PCBP3: variants seen among roughly 807,000 people sequenced by gnomAD.
PCBP3 encodes poly(rC) binding protein 3.
PCBP3 carries 25 observed loss-of-function variants against 52.7 expected under a neutral mutation model. The ratio of observed to expected loss-of-function variants is 0.47; its 90% CI spans 0.35 to 0.66. PCBP3 has a LOEUF of 0.66. PCBP3 is among the 30% of genes least tolerant of loss of function. The pLI, the probability that PCBP3 is intolerant of heterozygous loss-of-function variation, is 0.01. For synonymous variants in PCBP3, 162 were observed against 183.0 expected, an observed-to-expected ratio of 0.89 and a Z score of 0.93; for missense variants, 391 against 490.3, an observed-to-expected ratio of 0.80 and a Z score of 1.91.
At chr21:45,929,465 T>C (rs2075893753) in intron 13 of PCBP3, among the ~76,000 whole-genome samples, 1 of 152,172 alleles carries the variant, frequency 6.6e-6, no homozygotes, top group South Asian at 2.1e-4. Context: ...AGGGCGAGGT[T>C]TGCAAACTCA....
At chr21:45,886,436 GCA>G (rs1443596445) in intron 5 of PCBP3, among the ~76,000 whole-genome samples, 3 of 139,220 alleles carry the variant, frequency 2.2e-5, no homozygotes, top group African/African-American at 8.2e-5. Flanking sequence ...GGTGCCAAGG[GCA>G]GAGGATGTGG....
At chr21:45,698,435 T>G (rs907742209) in intron 2 of PCBP3, among the ~76,000 whole-genome samples, 1 of 152,196 alleles carries the variant, frequency 6.6e-6, no homozygotes, top group African/African-American at 2.4e-5. Flanking sequence ...AATAAATAAT[T>G]TGTTGGGCTG....
intron 13 of PCBP3, among the ~76,000 whole-genome samples, chr21:45,923,156 T>G (rs1267940022): frequency 6.6e-6 from 1 of 152,232 alleles, no homozygotes; most frequent in East Asian, 1.9e-4. Flanking sequence ...TTGGGCAGAT[T>G]GTTGCAGAGT....
At chr21:45,707,448 A>G (rs567631540) in intron 2 of PCBP3, among the ~76,000 whole-genome samples, 10 of 152,304 alleles carry the variant, frequency 6.6e-5, no homozygotes, top group African/African-American at 2.2e-4. Context: ...CCTGGGAAGC[A>G]GAGGTTGCAG....
In PCBP3 at chr21:45,891,176, C is replaced by A. The variant is rs967422441; in HGVS notation, c.11-5032C>A. ...AGGGGAATGTAGATAGTGGAACCGCCGTGCCGCAGTCTTGAACAGTTTCTT... is the reference window on the plus strand; with the variant it reads ...AGGGGAATGTAGATAGTGGAACCGCAGTGCCGCAGTCTTGAACAGTTTCTT... On this transcript the variant is annotated intron_variant, in intron 5 of 17. Transcript: ENST00000681687. Among the ~76,000 whole-genome samples the A allele has an allele frequency of 2.3e-5, 3 of 129,634 alleles. No individual in the cohort carries two copies. In the Admixed American group the frequency reaches 2.6e-4, roughly 11 times the overall value. 85.0% of individuals were successfully genotyped at this position (129,634 alleles called of 152,430 possible). A position where few individuals can be genotyped will look rare whatever the true frequency, so the allele number is the denominator to read the frequency against.
intron 2 of PCBP3, among the ~76,000 whole-genome samples, chr21:45,692,729 C>T (rs898473098): frequency 6.6e-6 from 1 of 152,056 alleles, no homozygotes; most frequent in African/African-American, 2.4e-5. Flanking sequence ...CTGATTCTAC[C>T]CAGACTCTTC....
intron 2 of PCBP3, among the ~76,000 whole-genome samples, chr21:45,708,259 T>C (rs2083589322): frequency 6.6e-6 from 1 of 152,194 alleles, no homozygotes; most frequent in South Asian, 2.1e-4. Flanking sequence ...AGTGGTGCTC[T>C]GGTCTCCTGA....
intron 1 of PCBP3, among the ~76,000 whole-genome samples, chr21:45,652,932 A>G (rs2079783574): frequency 6.6e-6 from 1 of 152,198 alleles, no homozygotes; most frequent in South Asian, 2.1e-4. Flanking sequence ...CAATGCCTCA[A>G]CTACATCATA....
intron 3 of PCBP3, among the ~76,000 whole-genome samples, chr21:45,746,710 C>T (rs1455275325): frequency 1.6e-5 from 1 of 62,232 alleles, no homozygotes; most frequent in Admixed American, 1.5e-4. Flanking sequence ...ACTGACGTAG[C>T]GCACACGGTG....
intron 15 of PCBP3, among the ~76,000 whole-genome samples, chr21:45,933,664 T>C (rs1475001780): frequency 6.6e-6 from 1 of 152,242 alleles, no homozygotes; most frequent in African/African-American, 2.4e-5. Context: ...TCTAGGCTTA[T>C]ATATGCAAAG....
rs563507280 is a variant in PCBP3, at chr21:45,905,455, T to A, written c.340-3900T>A. ...TGAGTTCTGCATCTGGCAGACTTTC[T>A]GCACCACAGAGGACTGTGCCGAAGG... On this transcript the variant is annotated intron_variant, in intron 9 of 17. Transcript: ENST00000681687. Among the ~76,000 whole-genome samples, 6 of 152,368 alleles carry A rather than the reference T, an allele frequency of 3.9e-5. No homozygotes were observed. In the East Asian group the frequency reaches 1.2e-3, roughly 29 times the overall value.
At chr21:45,795,227 T>C (rs112619017) in intron 4 of PCBP3, among the ~76,000 whole-genome samples, 2,044 of 152,092 alleles carry the variant, frequency 0.013, 66 homozygotes, top group African/African-American at 0.046. Flanking sequence ...GACCAGAATG[T>C]CCGTATGTTT....
chr21:45,941,810 A>G lies in PCBP3; in HGVS notation c.*104A>G. On this transcript the variant is annotated 3_prime_UTR_variant, in exon 18 of 18. Transcript: ENST00000681687. Reference sequence around the variant, plus strand: ...CCTTCCCTGCCTCACAGATACCAATAGAGAGGTTTTCTTAATTAACAAAAG... The same window carrying G: ...CCTTCCCTGCCTCACAGATACCAATGGAGAGGTTTTCTTAATTAACAAAAG... 1 of 866,578 alleles carries G rather than the reference A, an allele frequency of 1.2e-6. No individual in the cohort carries two copies. The highest frequency in any genetic ancestry group is 1.8e-6 in the Non-Finnish European group (1 of 570,014). The allele number at this position is 866,578 out of a possible 1,614,324, so 53.7% of individuals were successfully genotyped here. A position where few individuals can be genotyped will look rare whatever the true frequency, so the allele number is the denominator to read the frequency against.
intron 4 of PCBP3, among the ~76,000 whole-genome samples, chr21:45,789,974 C>T (rs2091430847): frequency 6.6e-6 from 1 of 152,050 alleles, no homozygotes; most frequent in Non-Finnish European, 1.5e-5. Flanking sequence ...CCCGTCTCTA[C>T]TAAAAATACA....
At chr21:45,734,667 TG>T (rs1425803345) in intron 2 of PCBP3, among the ~76,000 whole-genome samples, 1 of 152,232 alleles carries the variant, frequency 6.6e-6, no homozygotes, top group Non-Finnish European at 1.5e-5. Flanking sequence ...GGCTGTAGGC[TG>T]CAGCAATTGT....
At chr21:45,849,441 A>C (rs1172424951) in intron 4 of PCBP3, among the ~76,000 whole-genome samples, 1 of 151,892 alleles carries the variant, frequency 6.6e-6, no homozygotes, top group East Asian at 1.9e-4. Context: ...CCTGACCTTA[A>C]GTGATCCTCC....
chr21:45,862,574 T>C (rs1405312307), intron 5 of PCBP3, among the ~76,000 whole-genome samples: 1 of 152,210 alleles, frequency 6.6e-6, no homozygotes, highest in Non-Finnish European at 1.5e-5. Context: ...TTCTATTTTT[T>C]TCTGTATGAA....
At chr21:45,683,635 G>A (rs909211871) in intron 2 of PCBP3, among the ~76,000 whole-genome samples, 6 of 152,130 alleles carry the variant, frequency 3.9e-5, no homozygotes, top group Admixed American at 3.3e-4. Flanking sequence ...ATCAATACAC[G>A]TGAGTGTTTT....
At chr21:45,833,086 C>T (rs897306961) in intron 4 of PCBP3, among the ~76,000 whole-genome samples, 16 of 152,234 alleles carry the variant, frequency 1.1e-4, no homozygotes, top group Non-Finnish European at 2.2e-4. Flanking sequence ...CAGCAGCCAG[C>T]GAGGCTCTCT....
Sources: allele counts gnomAD v4.1 joint callset (sites outside exome capture counted in the v4.1 genomes callset), GRCh38; gene constraint gnomAD v4.1.1; transcripts MANE v1.5; gene names NCBI Gene and HGNC (gene_info 2026-07-23, HGNC 2026-07-21).